Variants in PPP1R1C observed in about 807,000 individuals in gnomAD.
PPP1R1C encodes the protein protein phosphatase 1 regulatory subunit 1C.
A neutral mutation model predicts 17.4 loss-of-function variants in PPP1R1C; 15 were observed. The ratio of observed to expected loss-of-function variants is 0.86; its 90% CI spans 0.58 to 1.33. PPP1R1C has a LOEUF of 1.33. Ranked by LOEUF, PPP1R1C falls within the 40% of genes most tolerant of loss-of-function variation. The pLI, the probability that PPP1R1C is intolerant of heterozygous loss-of-function variation, is 0.00. For synonymous variants in PPP1R1C, 35 were observed against 43.1 expected (o/e 0.81, Z 0.73); for missense variants, 143 against 130.0 (o/e 1.10, Z -0.48).
At chr2:181,960,642 A>G (rs112790118) in intron 1 of PPP1R1C, among the ~76,000 whole-genome samples, 82 of 152,320 alleles carry the variant, frequency 5.4e-4, no homozygotes, top group African/African-American at 1.9e-3. Flanking sequence ...CACAAAACTC[A>G]GAATTCTCTC....
chr2:182,094,643 T>A (rs1210067060), intron 4 of PPP1R1C, among the ~76,000 whole-genome samples: 1 of 152,190 alleles, frequency 6.6e-6, no homozygotes, highest in Admixed American at 6.5e-5. Context: ...TAGAGTGAAC[T>A]GTGTTGTGAT....
chr2:182,038,742 T>C (rs762882756), intron 2 of PPP1R1C, among the ~76,000 whole-genome samples: 5 of 152,230 alleles, frequency 3.3e-5, no homozygotes, highest in Non-Finnish European at 7.3e-5. Flanking sequence ...TGGCAGCTGA[T>C]ACAGTCCTTC....
chr2:182,013,406 A>G (rs1201912731), intron 2 of PPP1R1C, among the ~76,000 whole-genome samples: 2 of 152,016 alleles, frequency 1.3e-5, no homozygotes, highest in South Asian at 2.1e-4. Context: ...TGCCAGATAT[A>G]TTGTAGCTCT....
At chr2:182,021,031 C>T (rs1035961937) in intron 2 of PPP1R1C, among the ~76,000 whole-genome samples, 6 of 152,162 alleles carry the variant, frequency 3.9e-5, no homozygotes, top group East Asian at 1.9e-4. Flanking sequence ...CATGATCCCA[C>T]GCCCTCTTTT....
chr2:182,028,085 A>G (rs1157953582), intron 2 of PPP1R1C, among the ~76,000 whole-genome samples: 12 of 133,448 alleles, frequency 9.0e-5, no homozygotes, highest in Non-Finnish European at 1.6e-5. Context: ...TATTGTGTCT[A>G]TTTGATTCTT....
rs528798696 is a variant in PPP1R1C at position 182,085,291 on chromosome 2, A to G, written c.241+21500A>G. 1.0e-3 allele frequency among the ~76,000 whole-genome samples: 158 copies of G among 152,162 alleles called. 1 individual carries two copies. Among genetic ancestry groups the G allele is most frequent in the African/African-American group, 3.6e-3 (149 of 41,540 alleles). ...AATTGCTCTGGCTAGGACTTCCTGAAGGTAAAACTTATTTTTTTCTTATCT... is the reference window on the plus strand; with the variant it reads ...AATTGCTCTGGCTAGGACTTCCTGAGGGTAAAACTTATTTTTTTCTTATCT... On this transcript the variant is annotated intron_variant, in intron 4 of 4. Transcript: ENST00000682840.
chr2:181,968,689 A>ATTC (rs1684950429), intron 1 of PPP1R1C, among the ~76,000 whole-genome samples: 1 of 152,094 alleles, frequency 6.6e-6, no homozygotes, highest in Admixed American at 6.5e-5. Context: ...GTTCTTTTAC[A>ATTC]TTCAATGTTA....
intron 1 of PPP1R1C, among the ~76,000 whole-genome samples, chr2:181,971,655 C>T (rs1559041456): frequency 6.6e-6 from 1 of 152,126 alleles, no homozygotes; most frequent in Non-Finnish European, 1.5e-5. Flanking sequence ...AATTGCAGTC[C>T]TTGAGGCATA....
intron 2 of PPP1R1C, among the ~76,000 whole-genome samples, chr2:182,015,949 G>A (rs900149458): frequency 6.6e-6 from 1 of 152,160 alleles, no homozygotes; most frequent in Non-Finnish European, 1.5e-5. Flanking sequence ...TGCACCCCAT[G>A]TGTGCGTGTG....
chr2:182,123,319 G>C (rs913319898), intron 5 of PPP1R1C, among the ~76,000 whole-genome samples: 1 of 152,180 alleles, frequency 6.6e-6, no homozygotes, highest in African/African-American at 2.4e-5. Flanking sequence ...ACATACGTGT[G>C]CGTGTGTCTT....
intron 4 of PPP1R1C, among the ~76,000 whole-genome samples, chr2:182,083,843 T>G (rs549770219): frequency 1.3e-5 from 2 of 152,198 alleles, no homozygotes; most frequent in Non-Finnish European, 2.9e-5. Context: ...ATCTCCATAC[T>G]GTTTTCCATA....
At position 181,986,028 on chromosome 2, in the gene PPP1R1C, T is replaced by C; in HGVS notation, c.-83T>C. 1 of 1,011,726 alleles carries C rather than the reference T, an allele frequency of 9.9e-7. No individual in the cohort carries two copies. Among genetic ancestry groups the C allele is most frequent in the Non-Finnish European group, 1.6e-6 (1 of 634,404 alleles). 62.7% of individuals were successfully genotyped at this position (1,011,726 alleles called of 1,614,324 possible). On this transcript the variant is annotated 5_prime_UTR_variant, in exon 1 of 5. Coordinates refer to ENST00000682840, the MANE Select transcript of PPP1R1C (RefSeq NM_001080545.3). The stretch of plus-strand genomic sequence containing the variant: ...GCACTCTGTGTGGCTTAGTGGAGTG[T>C]GTCTGAGGAAACACATCCCGGACAC...
At chr2:181,970,378 G>A (rs186858761) in intron 1 of PPP1R1C, among the ~76,000 whole-genome samples, 141 of 152,328 alleles carry the variant, frequency 9.3e-4, no homozygotes, top group Admixed American at 1.5e-3. Context: ...TAGTAATGCT[G>A]TGAATCTTCC....
chr2:182,106,530 C>T (rs1333987965), intron 4 of PPP1R1C, among the ~76,000 whole-genome samples: 1 of 152,168 alleles, frequency 6.6e-6, no homozygotes, highest in Admixed American at 6.5e-5. Context: ...CCACTCCATC[C>T]CACTTCTGGC....
chr2:182,062,346 C>T (rs1687875325), intron 3 of PPP1R1C, among the ~76,000 whole-genome samples: 1 of 151,962 alleles, frequency 6.6e-6, no homozygotes, highest in East Asian at 1.9e-4. Context: ...TGTTACTAAA[C>T]AACAACAATA....
At chr2:181,977,545 G>A (rs958251385) in intron 2 of PPP1R1C, among the ~76,000 whole-genome samples, 1 of 152,004 alleles carries the variant, frequency 6.6e-6, no homozygotes, top group Non-Finnish European at 1.5e-5. Flanking sequence ...CATATATTAT[G>A]TGTATACCTT....
intron 4 of PPP1R1C, among the ~76,000 whole-genome samples, chr2:182,112,317 A>G (rs1689465150): frequency 6.6e-6 from 1 of 152,116 alleles, no homozygotes; most frequent in Non-Finnish European, 1.5e-5. Flanking sequence ...ACTTGGTTTT[A>G]TCCTAGGAGT....
At chr2:182,086,864 G>A (rs1307594455) in intron 4 of PPP1R1C, among the ~76,000 whole-genome samples, 2 of 151,376 alleles carry the variant, frequency 1.3e-5, no homozygotes, top group African/African-American at 4.9e-5. Context: ...AACTTAACAC[G>A]TCCCTGACAG....
chr2:182,085,437 T>C (rs1452735024), intron 4 of PPP1R1C, among the ~76,000 whole-genome samples: 2 of 152,140 alleles, frequency 1.3e-5, no homozygotes, highest in African/African-American at 2.4e-5. Flanking sequence ...AATGTGTAGT[T>C]ACAAATTTTT....
Sources: allele counts gnomAD v4.1 joint callset (sites outside exome capture counted in the v4.1 genomes callset), GRCh38; gene constraint gnomAD v4.1.1; transcripts MANE v1.5; gene names NCBI Gene and HGNC (gene_info 2026-07-23, HGNC 2026-07-21).